TAB2: variants seen among roughly 807,000 people sequenced by gnomAD.
TAB2 encodes TGF-beta activated kinase 1 (MAP3K7) binding protein 2.
Under a neutral mutation model 65.0 loss-of-function variants are expected in TAB2, and 3 were observed. The observed-to-expected ratio is 0.05, with a 90% CI of 0.02 to 0.12. The LOEUF (loss-of-function observed/expected upper bound fraction) is 0.12. Among genes scored for constraint, TAB2 ranks in the 10% least tolerant of loss-of-function variants. The pLI is 1.00. For missense variants in TAB2, 623 were observed against 840.3 expected (o/e 0.74, Z 3.20); for synonymous variants, 298 against 285.1 (o/e 1.05, Z -0.46).
In TAB2 at chr6:149,409,725, A is replaced by G. The variant is rs1042617472; in HGVS notation, c.*6A>G. ...AGATGCCAAGGCATTTCTGAGCCAA[A>G]TGGCCCTGTATCTTCTCTAAAACCA... On this transcript the variant is annotated 3_prime_UTR_variant, in exon 7 of 7. Coordinates refer to ENST00000637181, the MANE Select transcript of TAB2 (RefSeq NM_001292034.3). 3 of 1,614,024 alleles carry G rather than the reference A, an allele frequency of 1.9e-6. No individual in the cohort carries two copies. Among genetic ancestry groups the G allele is most frequent in the Non-Finnish European group, 2.5e-6 (3 of 1,179,896 alleles).
intron 1 of TAB2, chr6:149,247,807 G>A (rs556851407): frequency 6.6e-6 from 1 of 152,326 alleles, no homozygotes; most frequent in East Asian, 1.9e-4. Context: ...AAAACCCTGG[G>A]CCACGGAACC....
At chr6:149,331,202 G>A (rs1047113168) in intron 1 of TAB2, among the ~76,000 whole-genome samples, 8 of 151,932 alleles carry the variant, frequency 5.3e-5, no homozygotes, top group Non-Finnish European at 7.4e-5. Flanking sequence ...CCTGGTATAT[G>A]GTATGTCTTT....
intron 2 of TAB2, chr6:149,372,455 T>C (rs1362050075): frequency 6.6e-6 from 1 of 152,170 alleles, no homozygotes; most frequent in Non-Finnish European, 1.5e-5. Flanking sequence ...TTTTATTGTT[T>C]TAATCTGTGT....
intron 1 of TAB2, among the ~76,000 whole-genome samples, chr6:149,276,285 T>C (rs201870032): frequency 2.0e-5 from 3 of 152,200 alleles, no homozygotes; most frequent in Non-Finnish European, 2.9e-5. Flanking sequence ...TATAGCTTAG[T>C]GGTAATAATG....
chr6:149,383,730 A>G (rs1327233587), intron 3 of TAB2, among the ~76,000 whole-genome samples: 1 of 152,154 alleles, frequency 6.6e-6, no homozygotes, highest in East Asian at 1.9e-4. Context: ...TTACAGGCAC[A>G]TGCCACCACG....
At chr6:149,294,403 C>T (rs923685556) in intron 1 of TAB2, among the ~76,000 whole-genome samples, 1 of 152,144 alleles carries the variant, frequency 6.6e-6, no homozygotes, top group African/African-American at 2.4e-5. Flanking sequence ...TTCTAATGGC[C>T]TCATTTTAAC....
At chr6:149,398,701 A>G (rs1052081901) in intron 5 of TAB2, among the ~76,000 whole-genome samples, 4 of 152,174 alleles carry the variant, frequency 2.6e-5, no homozygotes. Flanking sequence ...CCATTCTATT[A>G]CATAGTGCAA....
chr6:149,289,658 T>C (rs1024316671), intron 1 of TAB2, among the ~76,000 whole-genome samples: 1 of 152,190 alleles, frequency 6.6e-6, no homozygotes, highest in African/African-American at 2.4e-5. Context: ...CTCACTGCTG[T>C]TGATGAAAAA....
chr6:149,223,442 C>T (rs1777198395), intron 1 of TAB2, among the ~76,000 whole-genome samples: 2 of 152,188 alleles, frequency 1.3e-5, no homozygotes, highest in South Asian at 4.1e-4. Context: ...TGTGATTTTC[C>T]AAATTATAGC....
intron 3 of TAB2, among the ~76,000 whole-genome samples, chr6:149,392,921 A>G (rs1044222419): frequency 1.6e-4 from 24 of 152,036 alleles, no homozygotes; most frequent in Admixed American, 1.5e-3. Flanking sequence ...TTGTAAACTC[A>G]AGGTTAAACT....
chr6:149,406,646 A>G (rs996494616), intron 6 of TAB2, among the ~76,000 whole-genome samples: 1 of 152,224 alleles, frequency 6.6e-6, no homozygotes, highest in Non-Finnish European at 1.5e-5. Flanking sequence ...AGTTTGTTAC[A>G]AGAATTTTCA....
At chr6:149,377,131 G>A (rs1453475242) in intron 2 of TAB2, among the ~76,000 whole-genome samples, 10 of 149,648 alleles carry the variant, frequency 6.7e-5, no homozygotes, top group East Asian at 2.0e-4. Context: ...GTGCAGTGGC[G>A]CAGTCTCGGC....
chr6:149,353,855 AGAGT>A (rs767841775), intron 1 of TAB2, among the ~76,000 whole-genome samples: 1 of 152,206 alleles, frequency 6.6e-6, no homozygotes, highest in Non-Finnish European at 1.5e-5. Flanking sequence ...CTATATATAG[AGAGT>A]GAGAGATTAA....
At chr6:149,280,909 G>A (rs1273362921) in intron 1 of TAB2, among the ~76,000 whole-genome samples, 1 of 141,548 alleles carries the variant, frequency 7.1e-6, no homozygotes, top group Non-Finnish European at 1.5e-5. Flanking sequence ...TCCAGCATAG[G>A]TGACAGAATG....
chr6:149,372,832 C>G (rs958721518), intron 2 of TAB2, among the ~76,000 whole-genome samples: 2 of 152,138 alleles, frequency 1.3e-5, no homozygotes, highest in Admixed American at 6.5e-5. Context: ...TATTTTTAAA[C>G]GGGCAAATTA....
rs73779309 is a variant in TAB2 at position 149,336,288 on chromosome 6, T to C, written c.-90+18273T>C. Among the ~76,000 whole-genome samples the C allele has an allele frequency of 2.0e-3, 312 of 152,326 alleles. 2 individuals carry two copies. Among genetic ancestry groups the C allele is most frequent in the African/African-American group, 7.1e-3 (297 of 41,574 alleles). On this transcript the variant is annotated intron_variant, in intron 1 of 6. Coordinates refer to ENST00000637181, the MANE Select transcript of TAB2 (RefSeq NM_001292034.3). ...CTGGGTTCTTAATTAAATAGGAGTA[T>C]CTAGGTTCTGATAGAGGTGAACTAT... is the stretch of plus-strand genomic sequence containing the variant.
chr6:149,276,849 T>C (rs1273832189), intron 1 of TAB2, among the ~76,000 whole-genome samples: 2 of 152,230 alleles, frequency 1.3e-5, no homozygotes, highest in African/African-American at 4.8e-5. Context: ...TGATATGGTT[T>C]GGCTGTGTCC....
intron 1 of TAB2, among the ~76,000 whole-genome samples, chr6:149,227,160 A>G (rs1777297711): frequency 6.6e-6 from 1 of 152,240 alleles, no homozygotes; most frequent in South Asian, 2.1e-4. Context: ...TATTAAAACG[A>G]GAGATTTTTC....
intron 1 of TAB2, among the ~76,000 whole-genome samples, chr6:149,226,564 C>A (rs12203964): frequency 0.05 from 7,550 of 152,236 alleles, 289 homozygotes; most frequent in South Asian, 0.14. Flanking sequence ...CTGGTAAAAA[C>A]TGTTTTATCT....
Sources: gnomAD v4.1 joint callset for allele counts (sites outside exome capture counted in the v4.1 genomes callset) on GRCh38, gnomAD v4.1.1 for gene constraint, MANE v1.5 for transcripts, NCBI Gene and HGNC (gene_info 2026-07-23, HGNC 2026-07-21) for gene names.